Variants in GPC5 observed in about 807,000 individuals in gnomAD.
GPC5 encodes the protein glypican-5.
Under a neutral mutation model 53.9 loss-of-function variants are expected in GPC5, and 47 were observed. That is an observed-to-expected ratio of 0.87 (90% CI 0.69 to 1.11). GPC5 has a LOEUF of 1.11. Among genes scored for constraint, GPC5 ranks in the 50% most tolerant of loss-of-function variants. GPC5 has a pLI of 0.00. For synonymous variants in GPC5, 286 were observed against 263.3 expected (o/e 1.09, Z -0.84); for missense variants, 748 against 713.1 (o/e 1.05, Z -0.56).
intron 6 of GPC5, among the ~76,000 whole-genome samples, chr13:91,985,464 C>G (rs2040398198): frequency 1.3e-5 from 2 of 149,634 alleles, no homozygotes; most frequent in African/African-American, 4.9e-5. Context: ...GGTTTAAAGT[C>G]TATCATCTTT....
chr13:91,436,757 T>C (rs955969597), intron 1 of GPC5, among the ~76,000 whole-genome samples: 56 of 152,190 alleles, frequency 3.7e-4, no homozygotes, highest in African/African-American at 1.3e-3. Flanking sequence ...ACTTTCTGTG[T>C]CGTTGATCTG....
chr13:92,766,207 T>G (rs1290512626), intron 7 of GPC5, among the ~76,000 whole-genome samples: 1 of 152,160 alleles, frequency 6.6e-6, no homozygotes, highest in Admixed American at 6.5e-5. Flanking sequence ...CTTAGCTACC[T>G]CTGCTTTTTT....
At chr13:92,679,309 C>T (rs544842927) in intron 7 of GPC5, among the ~76,000 whole-genome samples, 15 of 152,278 alleles carry the variant, frequency 9.9e-5, no homozygotes, top group African/African-American at 3.6e-4. Flanking sequence ...GATGTCTGAC[C>T]TCAGTAGGAT....
chr13:91,598,745 A>G (rs2033080548), intron 2 of GPC5, among the ~76,000 whole-genome samples: 1 of 152,122 alleles, frequency 6.6e-6, no homozygotes, highest in South Asian at 2.1e-4. Context: ...AGGAATTAGG[A>G]ATGCAGTTTC....
At chr13:92,549,296 A>C (rs1882229717) in intron 7 of GPC5, among the ~76,000 whole-genome samples, 3 of 152,110 alleles carry the variant, frequency 2.0e-5, no homozygotes, top group African/African-American at 7.2e-5. Flanking sequence ...TTAATTACTT[A>C]TTTAGTCATG....
chr13:92,770,692 T>C (rs1225125328), intron 7 of GPC5, among the ~76,000 whole-genome samples: 1 of 152,212 alleles, frequency 6.6e-6, no homozygotes, highest in African/African-American at 2.4e-5. Flanking sequence ...TTTATTGTCT[T>C]TAAGTTGGAC....
At chr13:92,465,335 A>T (rs1878648502) in intron 7 of GPC5, among the ~76,000 whole-genome samples, 1 of 152,108 alleles carries the variant, frequency 6.6e-6, no homozygotes, top group African/African-American at 2.4e-5. Flanking sequence ...TCTGATGAGA[A>T]AATCTTAGAC....
At chr13:91,676,976 AC>A (rs1414753183) in intron 2 of GPC5, among the ~76,000 whole-genome samples, 1 of 152,208 alleles carries the variant, frequency 6.6e-6, no homozygotes, top group African/African-American at 2.4e-5. Context: ...TGGATAGGGA[AC>A]AGCTTGCATG....
chr13:92,419,931 C>T (rs1038823377), intron 7 of GPC5, among the ~76,000 whole-genome samples: 3 of 152,078 alleles, frequency 2.0e-5, no homozygotes, highest in Non-Finnish European at 4.4e-5. Context: ...GATGAATAGC[C>T]TGAAGCCCTA....
chr13:92,345,698 C>T (rs1285720848), intron 7 of GPC5, among the ~76,000 whole-genome samples: 1 of 152,124 alleles, frequency 6.6e-6, no homozygotes, highest in Non-Finnish European at 1.5e-5. Context: ...TTTCCCTGGG[C>T]CCACAGTTTC....
intron 7 of GPC5, among the ~76,000 whole-genome samples, chr13:92,367,706 G>A (rs559547684): frequency 8.5e-5 from 13 of 152,228 alleles, no homozygotes; most frequent in South Asian, 6.2e-4. Context: ...ATGATTTAAC[G>A]TGAAGAAGTA....
In GPC5 at chr13:91,728,658, A is replaced by C. The variant is rs1020388491; in HGVS notation, c.1147A>C (p.Arg383=). The change falls in exon 4 of 8, where the codon AGA becomes CGA. Residue 383 remains arginine, a synonymous_variant. Coordinates refer to ENST00000377067, the MANE Select transcript of GPC5 (RefSeq NM_004466.6). Reference sequence around the variant, plus strand: ...GAACAGTGAAGAGACGCTTGCCAACAGAAGAAAGTAAGACATTTGTTTTAC... The same window carrying C: ...GAACAGTGAAGAGACGCTTGCCAACCGAAGAAAGTAAGACATTTGTTTTAC... The part of the protein sequence containing the change: ...TRNSEETLAN[R]RKEFINSLRL... 2 of 1,609,414 alleles carry C rather than the reference A, an allele frequency of 1.2e-6. No individual in the cohort carries two copies. The highest frequency in any genetic ancestry group is 1.7e-6 in the Non-Finnish European group (2 of 1,177,934).
intron 2 of GPC5, among the ~76,000 whole-genome samples, chr13:91,619,933 C>T (rs1176856129): frequency 6.6e-6 from 1 of 152,098 alleles, no homozygotes; most frequent in Non-Finnish European, 1.5e-5. Flanking sequence ...CATACATGGC[C>T]ATCAAATCTA....
chr13:92,859,987 T>C (rs557319258), intron 7 of GPC5, among the ~76,000 whole-genome samples: 29 of 152,234 alleles, frequency 1.9e-4, no homozygotes, highest in African/African-American at 7.0e-4. Flanking sequence ...GTCTAGTTAT[T>C]ATTCATTATT....
chr13:92,702,135 T>A (rs1046713150), intron 7 of GPC5, among the ~76,000 whole-genome samples: 2 of 152,142 alleles, frequency 1.3e-5, no homozygotes, highest in Non-Finnish European at 2.9e-5. Flanking sequence ...GGTCCTTAGT[T>A]ACCTCCTTTG....
At chr13:91,731,769 A>C (rs111484150) in intron 4 of GPC5, among the ~76,000 whole-genome samples, 4,324 of 152,256 alleles carry the variant, frequency 0.028, 82 homozygotes, top group Non-Finnish European at 0.045. Flanking sequence ...CTTAGGAGTG[A>C]GAACATGCGG....
intron 2 of GPC5, among the ~76,000 whole-genome samples, chr13:91,614,303 A>G (rs1022681807): frequency 3.9e-5 from 6 of 152,170 alleles, no homozygotes; most frequent in African/African-American, 1.2e-4. Context: ...CAGGCAACTC[A>G]GGAAGTCTGG....
At chr13:91,969,154 A>T (rs1469771866) in intron 6 of GPC5, among the ~76,000 whole-genome samples, 1 of 151,872 alleles carries the variant, frequency 6.6e-6, no homozygotes, top group African/African-American at 2.4e-5. Flanking sequence ...TTTTTAGTAG[A>T]GGCAAGGTTT....
intron 2 of GPC5, among the ~76,000 whole-genome samples, chr13:91,578,464 G>C (rs1265359436): frequency 6.6e-6 from 1 of 152,148 alleles, no homozygotes; most frequent in Non-Finnish European, 1.5e-5. Context: ...TCATAGAAGA[G>C]AGTTATTGGT....
Sources: gnomAD v4.1 joint callset for allele counts (sites outside exome capture counted in the v4.1 genomes callset) on GRCh38, gnomAD v4.1.1 for gene constraint, MANE v1.5 for transcripts, NCBI Gene and HGNC (gene_info 2026-07-23, HGNC 2026-07-21) for gene names.